NICN1: variants seen among roughly 807,000 people sequenced by gnomAD.
NICN1 encodes the protein nicolin 1, tubulin polyglutamylase complex subunit, also known as nicolin-1.
In NICN1, 18 loss-of-function variants were observed where a neutral mutation model predicts 26.3. That is an observed-to-expected ratio of 0.68 (90% CI 0.47 to 1.01). The LOEUF (loss-of-function observed/expected upper bound fraction) is 1.01. NICN1 is among the 50% of genes least tolerant of loss of function. The pLI, the probability that NICN1 is intolerant of heterozygous loss-of-function variation, is 0.00. For missense variants in NICN1, 239 were observed against 278.3 expected (o/e 0.86, Z 1.00); for synonymous variants, 109 against 111.0 (o/e 0.98, Z 0.11).
At chr3:49,427,086 CCGAGG>C (rs764622312) in intron 1 of NICN1, among the ~76,000 whole-genome samples, 21 of 152,114 alleles carry the variant, frequency 1.4e-4, no homozygotes, top group Non-Finnish European at 2.9e-4. Flanking sequence ...CTTTCGGAGG[CCGAGG>C]CGGGCGGATC....
At position 49,425,371 on chromosome 3, in the gene NICN1, C is replaced by G; in HGVS notation, c.491G>C (p.Arg164Pro). The G allele has an allele frequency of 6.2e-7, 1 of 1,612,272 alleles. No individual in the cohort carries two copies. The highest frequency in any genetic ancestry group is 1.1e-5 in the South Asian group (1 of 90,462). ...TTACCTAGGGTGAGGGCTTACCTCA[C>G]GGAGGAGTGCAGGTTGCTCACAGGG... ...PVPCEQPALL[R>P]EGLPDPSRVS... The change falls in exon 4 of 6, where the codon CGT (arginine) becomes CCT (proline). Residue 164 changes from arginine to proline, a missense_variant. Transcript: ENST00000273598.
chr3:49,424,896 G>A (rs554604426), intron 5 of NICN1, 22 bp from the exon 6 acceptor site: 2 of 1,613,590 alleles, frequency 1.2e-6, no homozygotes, highest in South Asian at 1.1e-5. Context: ...AAGACCATCA[G>A]GTCTGATCTG....
In NICN1 at chr3:49,424,730, A is replaced by G. The variant is rs2049156442; in HGVS notation, c.*103T>C. ...TGTGGCCCAGACAGAACAGGCATGCAGGCAACACTTGGAATGCACAGGAAA... is the reference window on the plus strand; with the variant it reads ...TGTGGCCCAGACAGAACAGGCATGCGGGCAACACTTGGAATGCACAGGAAA... On this transcript the variant is annotated 3_prime_UTR_variant, in exon 6 of 6. Coordinates refer to ENST00000273598, the MANE Select transcript of NICN1 (RefSeq NM_032316.3). 7.6e-6 allele frequency: 7 copies of G among 924,928 alleles called. No homozygotes were observed. The highest frequency in any genetic ancestry group is 1.3e-5 in the Non-Finnish European group (7 of 555,068). 57.3% of individuals were successfully genotyped at this position (924,928 alleles called of 1,614,324 possible).
In NICN1 at chr3:49,424,807, C is replaced by G. The variant is rs757648414; in HGVS notation, c.*26G>C. The G allele has an allele frequency of 1.9e-6, 3 of 1,610,594 alleles. No individual in the cohort carries two copies. In the South Asian group the frequency reaches 3.3e-5, roughly 18 times the overall value. On this transcript the variant is annotated 3_prime_UTR_variant, in exon 6 of 6. Coordinates refer to ENST00000273598, the MANE Select transcript of NICN1 (RefSeq NM_032316.3). ...CCAAGTCTGGGTGGGCACAGAAAGG[C>G]CAACATCTTGGCTAGGAGCAACCAT...
Position 49,422,348 on chromosome 3 carries a change from C to T in NICN1, c.*2485G>A, listed in dbSNP as rs765668315. 12 of 1,613,604 alleles carry T rather than the reference C, an allele frequency of 7.4e-6. No individual in the cohort carries two copies. In the South Asian group the frequency reaches 9.9e-5, roughly 13 times the overall value. On this transcript the variant is annotated 3_prime_UTR_variant, in exon 6 of 6. Coordinates refer to ENST00000273598, the MANE Select transcript of NICN1 (RefSeq NM_032316.3). ...CCTCCCCCACCCTCCAAGATCAGCA[C>T]CCTCTATCCCACCTGTGCGCAACTA...
rs982047814 is a variant in NICN1, at chr3:49,429,289, A to C, written c.-50T>G. 2 of 1,531,934 alleles carry C rather than the reference A, an allele frequency of 1.3e-6. No homozygotes were observed. Among genetic ancestry groups the C allele is most frequent in the Non-Finnish European group, 8.8e-7 (1 of 1,135,238 alleles). 94.9% of individuals were successfully genotyped at this position (1,531,934 alleles called of 1,614,324 possible). A position where few individuals can be genotyped will look rare whatever the true frequency, so the allele number is the denominator to read the frequency against. On this transcript the variant is annotated 5_prime_UTR_variant, in exon 1 of 6. Coordinates refer to ENST00000273598, the MANE Select transcript of NICN1 (RefSeq NM_032316.3). ...CAACCGCCGCTCTAGGCCCCCGACC[A>C]CCAGCCCTTCCCGGCATCCTCAGCC... is the stretch of plus-strand genomic sequence containing the variant.
chr3:49,426,091 C>A, intron 2 of NICN1, 95 bp from the exon 3 acceptor site: 1 of 1,126,422 alleles, frequency 8.9e-7, no homozygotes. Context: ...ACCCCACAGG[C>A]CTTGGGAAGG....
chr3:49,429,097 G>A lies in NICN1; in HGVS notation c.132+11C>T. 2 of 1,599,776 alleles carry A rather than the reference G, an allele frequency of 1.3e-6. No homozygotes were observed. The highest frequency in any genetic ancestry group is 2.3e-5 in the East Asian group (1 of 43,152). ...CCGGGAGCCTCGGTCGCGCCCACCA[G>A]GCTTGCTCACCTCGAAGGGAGCGAC... On this transcript the variant is annotated intron_variant, in intron 1 of 5. Coordinates refer to ENST00000273598, the MANE Select transcript of NICN1 (RefSeq NM_032316.3).
intron 2 of NICN1, 54 bp downstream of exon 2, chr3:49,426,198 A>C (rs2049168015): frequency 9.6e-6 from 15 of 1,563,416 alleles, no homozygotes; most frequent in Admixed American, 1.8e-5. Flanking sequence ...CAATCCCCCC[A>C]CCTCTGGTAA....
In NICN1 at chr3:49,422,404, T is replaced by C. The variant is rs771449741; in HGVS notation, c.*2429A>G. ...ACGACACAAGGCCGGGGGGAATGCC[T>C]GCAGGCGAAAGCCCAGACGGGCCAC... is the stretch of plus-strand genomic sequence containing the variant. On this transcript the variant is annotated 3_prime_UTR_variant, in exon 6 of 6. Transcript: ENST00000273598. 1.9e-6 allele frequency: 3 copies of C among 1,610,750 alleles called. No individual in the cohort carries two copies. The Admixed American group carries it at 5.0e-5, about 27-fold the overall frequency.
rs2049170443 is a variant in NICN1, at chr3:49,426,397, G to A, written c.164C>T (p.Thr55Ile). The A allele has an allele frequency of 1.1e-5, 17 of 1,614,036 alleles. No homozygotes were observed. Among genetic ancestry groups the A allele is most frequent in the Non-Finnish European group, 1.4e-5 (17 of 1,180,014 alleles). The change falls in exon 2 of 6, where the codon ACA becomes ATA. Residue 55 changes from threonine to isoleucine, a missense_variant. Physicochemically the swap from Thr to Ile is moderately conservative, Grantham distance 89 (BLOSUM62 -1). Coordinates refer to ENST00000273598, the MANE Select transcript of NICN1 (RefSeq NM_032316.3). ...LQEITFKNYY[T>I]AFLSIRVRQY... is the part of the protein sequence containing the mutation. ...ACGGACACGGATGCTCAAAAAAGCT[G>A]TGTAGTAATTCTTAAACGTGATTTC...
At chr3:49,428,351 G>C (rs531868246) in intron 1 of NICN1, among the ~76,000 whole-genome samples, 1 of 152,142 alleles carries the variant, frequency 6.6e-6, no homozygotes, top group Non-Finnish European at 1.5e-5. Context: ...TGATGTGGAA[G>C]TGCAACTGGA....
chr3:49,428,770 C>A (rs2049195074), intron 1 of NICN1, among the ~76,000 whole-genome samples: 2 of 151,360 alleles, frequency 1.3e-5, no homozygotes, highest in African/African-American at 2.4e-5. Flanking sequence ...TAAATCATTG[C>A]TTAGCGATCC....
At chr3:49,426,598 G>C (rs775210007) in intron 1 of NICN1, among the ~76,000 whole-genome samples, 170 bp from the exon 2 acceptor site, 13 of 150,538 alleles carry the variant, frequency 8.6e-5, no homozygotes, top group Non-Finnish European at 1.9e-4. Flanking sequence ...CGTGATCTCA[G>C]CTCACTGCAA....
At position 49,423,974 on chromosome 3, in the gene NICN1, C is replaced by A. The variant is rs2049147349; in HGVS notation, c.*859G>T. On this transcript the variant is annotated 3_prime_UTR_variant, in exon 6 of 6. Coordinates refer to ENST00000273598, the MANE Select transcript of NICN1 (RefSeq NM_032316.3). ...AAGAGATTCTCCTGCCTCAGCCTCC[C>A]AAGTAGCTGGGATTACAGGTGCCTA... The A allele has an allele frequency of 6.6e-6, 1 of 152,126 alleles. No homozygotes were observed. The highest frequency in any genetic ancestry group is 2.4e-5 in the African/African-American group (1 of 41,434). The allele number at this position is 152,126 out of a possible 1,614,324, so 9.4% of individuals were successfully genotyped here.
Position 49,424,752 on chromosome 3 carries a change from G to T in NICN1, c.*81C>A. The stretch of plus-strand genomic sequence containing the variant: ...TGCAGGCAACACTTGGAATGCACAG[G>T]AAATACACTTCAGCCTCTGGTGGCC... On this transcript the variant is annotated 3_prime_UTR_variant, in exon 6 of 6. Transcript: ENST00000273598. 8.8e-7 allele frequency: 1 copy of T among 1,132,410 alleles called. No individual in the cohort carries two copies. The highest frequency in any genetic ancestry group is 1.3e-6 in the Non-Finnish European group (1 of 741,104). 70.1% of individuals were successfully genotyped at this position (1,132,410 alleles called of 1,614,324 possible). A position where few individuals can be genotyped will look rare whatever the true frequency, so the allele number is the denominator to read the frequency against.
rs900355291 is a variant in NICN1 at position 49,424,937 on chromosome 3, G to T, written c.600+12C>A. The T allele has an allele frequency of 6.2e-7, 1 of 1,613,554 alleles. No homozygotes were observed. On this transcript the variant is annotated intron_variant, in intron 5 of 5. Coordinates refer to ENST00000273598, the MANE Select transcript of NICN1 (RefSeq NM_032316.3). Reference sequence around the variant, plus strand: ...GGCAAAGCAAGCCAAGCAGAAGGAAGCGATTACTTACATCAAAGCGGCCGA... The same window carrying T: ...GGCAAAGCAAGCCAAGCAGAAGGAATCGATTACTTACATCAAAGCGGCCGA...
intron 1 of NICN1, among the ~76,000 whole-genome samples, chr3:49,428,263 G>A (rs2049190927): frequency 1.3e-5 from 2 of 151,768 alleles, no homozygotes; most frequent in Non-Finnish European, 2.9e-5. Flanking sequence ...CAGACACAGA[G>A]GGCTCTCAAT....
At position 49,426,437 on chromosome 3, in the gene NICN1, C is replaced by T. The variant is rs1336012120; in HGVS notation, c.133-9G>A. The T allele has an allele frequency of 1.9e-6, 3 of 1,612,786 alleles. No homozygotes were observed. The highest frequency in any genetic ancestry group is 2.5e-6 in the Non-Finnish European group (3 of 1,179,100). On this transcript the variant is annotated splice_polypyrimidine_tract_variant and intron_variant, in intron 1 of 5. Coordinates refer to ENST00000273598, the MANE Select transcript of NICN1 (RefSeq NM_032316.3). ...AACGTGATTTCCTGCAACTAGAACA[C>T]ATACAACCCATTACAACAAGTCAGA...
Sources: allele counts gnomAD v4.1 joint callset (sites outside exome capture counted in the v4.1 genomes callset), GRCh38; gene constraint gnomAD v4.1.1; transcripts MANE v1.5; gene names NCBI Gene and HGNC (gene_info 2026-07-23, HGNC 2026-07-21).